Variants in CATSPERE observed in about 807,000 individuals in gnomAD.
CATSPERE encodes the protein catsper channel auxiliary subunit epsilon.
Under a neutral mutation model 114.1 loss-of-function variants are expected in CATSPERE, and 93 were observed. The observed-to-expected ratio is 0.81, with a 90% CI of 0.69 to 0.97. CATSPERE has a LOEUF of 0.97. Among genes scored for constraint, CATSPERE ranks in the 50% least tolerant of loss-of-function variants. The probability of loss-of-function intolerance (pLI) is 0.00; values close to 1 mark genes in which losing one functional copy is unlikely to be tolerated. For missense variants in CATSPERE, 1,058 were observed against 1,131.6 expected (o/e 0.93, Z 0.93); for synonymous variants, 341 against 384.1 (o/e 0.89, Z 1.31).
In CATSPERE at chr1:244,615,964, A is replaced by AG. The variant is rs1266015927; in HGVS notation, c.2491-1565_2491-1564insG. 8.6e-5 allele frequency among the ~76,000 whole-genome samples: 13 copies of AG among 151,118 alleles called. No individual in the cohort carries two copies. The East Asian group carries it at 2.3e-3, about 27-fold the overall frequency. On this transcript the variant is annotated intron_variant, in intron 19 of 21. Coordinates refer to ENST00000366534, the MANE Select transcript of CATSPERE (RefSeq NM_001130957.2). ...CCCCCATCTCCTAAAAAAAAAAAAA[A>AG]AAAAAAAGTAAAAAATTAGCCAGGC...
chr1:244,528,096 G>T (rs548123498), intron 8 of CATSPERE, among the ~76,000 whole-genome samples: 1 of 152,246 alleles, frequency 6.6e-6, no homozygotes, highest in East Asian at 1.9e-4. Context: ...TCTTCCTGAT[G>T]CTCTCCCTTT....
intron 13 of CATSPERE, among the ~76,000 whole-genome samples, chr1:244,588,077 C>G (rs1667240146): frequency 6.6e-6 from 1 of 151,784 alleles, no homozygotes; most frequent in African/African-American, 2.4e-5. Context: ...GCCTATAATC[C>G]CAGCTACTTG....
chr1:244,525,952 CCTT>C, intron 8 of CATSPERE, among the ~76,000 whole-genome samples: 1 of 152,332 alleles, frequency 6.6e-6, no homozygotes, highest in Non-Finnish European at 1.5e-5. Flanking sequence ...CTTTTTCCAA[CCTT>C]CTTCTCCACC....
In CATSPERE at chr1:244,635,366, G is replaced by A. The variant is rs183751336; in HGVS notation, c.2649-123G>A. ...TATAAATGTATCCATTCTGTCCTTT[G>A]TCAAGAAAATGACACCTTAACTAGG... On this transcript the variant is annotated intron_variant, in intron 20 of 21. Transcript: ENST00000366534. 1.0e-5 allele frequency: 7 copies of A among 670,324 alleles called. No homozygotes were observed. In the East Asian group the frequency reaches 2.0e-4, roughly 19 times the overall value. The allele number at this position is 670,324 out of a possible 1,614,324, so 41.5% of individuals were successfully genotyped here. A position where few individuals can be genotyped will look rare whatever the true frequency, so the allele number is the denominator to read the frequency against.
chr1:244,486,695 G>A (rs1307723651), intron 5 of CATSPERE, among the ~76,000 whole-genome samples: 1 of 129,732 alleles, frequency 7.7e-6, no homozygotes, highest in Non-Finnish European at 1.6e-5. Context: ...ATAGACCCTC[G>A]TAGTCACCTG....
At chr1:244,632,402 A>AG (rs1253465191) in intron 20 of CATSPERE, among the ~76,000 whole-genome samples, 2 of 151,382 alleles carry the variant, frequency 1.3e-5, no homozygotes, top group Non-Finnish European at 2.9e-5. Flanking sequence ...TCAAAAAAAA[A>AG]AAAAAAATGA....
chr1:244,535,204 G>A (rs1466776976), intron 8 of CATSPERE, among the ~76,000 whole-genome samples: 4 of 152,180 alleles, frequency 2.6e-5, no homozygotes, highest in African/African-American at 7.2e-5. Flanking sequence ...ACTGCACTGG[G>A]TCAGACCTGA....
At chr1:244,580,397 A>C (rs1665990562) in intron 11 of CATSPERE, among the ~76,000 whole-genome samples, 1 of 152,122 alleles carries the variant, frequency 6.6e-6, no homozygotes, top group Non-Finnish European at 1.5e-5. Flanking sequence ...ATAGTATATT[A>C]TGAAAGCACC....
intron 9 of CATSPERE, among the ~76,000 whole-genome samples, chr1:244,557,532 C>T (rs3005997): frequency 6.6e-4 from 27 of 40,634 alleles, no homozygotes; most frequent in Non-Finnish European, 9.4e-4. Flanking sequence ...TTGAAATATT[C>T]ATATATATAT....
chr1:244,512,020 AC>A (rs1675849636), intron 7 of CATSPERE, among the ~76,000 whole-genome samples: 1 of 152,034 alleles, frequency 6.6e-6, no homozygotes, highest in South Asian at 2.1e-4. Flanking sequence ...CTTGGAGAAA[AC>A]CTTTTTTGGG....
intron 8 of CATSPERE, among the ~76,000 whole-genome samples, chr1:244,531,111 C>G (rs1331268336): frequency 6.6e-6 from 1 of 151,790 alleles, no homozygotes; most frequent in Non-Finnish European, 1.5e-5. Context: ...TGGCATGTGC[C>G]TGTCATCCCA....
intron 8 of CATSPERE, among the ~76,000 whole-genome samples, chr1:244,538,232 A>T (rs1005429760): frequency 6.6e-6 from 1 of 152,248 alleles, no homozygotes; most frequent in Non-Finnish European, 1.5e-5. Context: ...AAGATAAATT[A>T]AAACATGGCA....
intron 8 of CATSPERE, among the ~76,000 whole-genome samples, chr1:244,536,568 A>G (rs976444059): frequency 2.0e-5 from 3 of 152,176 alleles, no homozygotes; most frequent in Non-Finnish European, 4.4e-5. Flanking sequence ...AAGTCCCACA[A>G]TCACTGCACT....
chr1:244,478,845 T>G (rs1043516134), intron 4 of CATSPERE, among the ~76,000 whole-genome samples: 5 of 151,648 alleles, frequency 3.3e-5, no homozygotes, highest in African/African-American at 1.2e-4. Context: ...CTGGCCAACA[T>G]AGTGAAACCC....
intron 9 of CATSPERE, among the ~76,000 whole-genome samples, chr1:244,555,849 G>C (rs1344367393): frequency 6.6e-6 from 1 of 151,986 alleles, no homozygotes; most frequent in African/African-American, 2.4e-5. Flanking sequence ...AAAAAAACTG[G>C]GAATAAATTT....
intron 18 of CATSPERE, among the ~76,000 whole-genome samples, chr1:244,609,862 G>A (rs905497502): frequency 2.0e-5 from 3 of 152,040 alleles, no homozygotes; most frequent in African/African-American, 7.2e-5. Context: ...GCAACATAGC[G>A]AGGCTCCATC....
chr1:244,514,039 G>A (rs1676181227), intron 7 of CATSPERE, among the ~76,000 whole-genome samples: 1 of 152,174 alleles, frequency 6.6e-6, no homozygotes, highest in South Asian at 2.1e-4. Flanking sequence ...CTTCTATCCT[G>A]TGGATTATCT....
intron 20 of CATSPERE, among the ~76,000 whole-genome samples, chr1:244,622,560 C>T (rs372110419): frequency 8.5e-5 from 13 of 152,116 alleles, no homozygotes; most frequent in South Asian, 2.1e-4. Flanking sequence ...TGTGCCACCA[C>T]GCCCGGCTAA....
At chr1:244,535,998 C>T (rs1451415894) in intron 8 of CATSPERE, among the ~76,000 whole-genome samples, 1 of 151,922 alleles carries the variant, frequency 6.6e-6, no homozygotes, top group Non-Finnish European at 1.5e-5. Flanking sequence ...AGGACTGGGT[C>T]CTTCTCTTCA....
Sources: gnomAD v4.1 joint callset for allele counts (sites outside exome capture counted in the v4.1 genomes callset) on GRCh38, gnomAD v4.1.1 for gene constraint, MANE v1.5 for transcripts, NCBI Gene and HGNC (gene_info 2026-07-23, HGNC 2026-07-21) for gene names.